The following RAD50 variants were observed in gnomAD, a reference collection of about 807,000 sequenced individuals.
RAD50 encodes DNA repair protein RAD50.
A neutral mutation model predicts 168.8 loss-of-function variants in RAD50; 132 were observed. The observed-to-expected ratio is 0.78, with a 90% CI of 0.68 to 0.90. The LOEUF is 0.90. Among genes scored for constraint, RAD50 ranks in the 40% least tolerant of loss-of-function variants. The pLI, the probability that RAD50 is intolerant of heterozygous loss-of-function variation, is 0.00. For missense variants in RAD50, 1,347 were observed against 1,534.4 expected, an observed-to-expected ratio of 0.88 and a Z score of 2.04; for synonymous variants, 525 against 497.4, an observed-to-expected ratio of 1.06 and a Z score of -0.74.
At chr5:132,618,820 T>C (rs1751224661) in intron 21 of RAD50, among the ~76,000 whole-genome samples, 1 of 152,228 alleles carries the variant, frequency 6.6e-6, no homozygotes, top group Non-Finnish European at 1.5e-5. Context: ...TTCATGATAC[T>C]ACCTCCCTCT....
chr5:132,566,276 A>G (rs1253179970), intron 2 of RAD50, among the ~76,000 whole-genome samples: 2 of 152,198 alleles, frequency 1.3e-5, no homozygotes, highest in African/African-American at 2.4e-5. Flanking sequence ...GGTCCTCGAA[A>G]AGTAGATGCC....
rs1487138360 is a variant in RAD50, at chr5:132,588,884, A to G, written c.1245+4A>G. 2.5e-6 allele frequency: 4 copies of G among 1,604,664 alleles called. No individual in the cohort carries two copies. Among genetic ancestry groups the G allele is most frequent in the Non-Finnish European group, 1.7e-6 (2 of 1,171,786 alleles). The stretch of plus-strand genomic sequence containing the variant: ...AAAAACTGCCAACCAACTGATGGCA[A>G]GTATTTTGAAATACAGTATTTGTTA... On this transcript the variant is annotated splice_donor_region_variant and intron_variant, in intron 8 of 24. Coordinates refer to ENST00000378823, the MANE Select transcript of RAD50 (RefSeq NM_005732.4).
intron 5 of RAD50, among the ~76,000 whole-genome samples, chr5:132,580,719 T>C (rs1005583512): frequency 6.6e-6 from 1 of 152,224 alleles, no homozygotes; most frequent in Non-Finnish European, 1.5e-5. Flanking sequence ...ATTCATTTAA[T>C]AAGCATTTAT....
intron 19 of RAD50, among the ~76,000 whole-genome samples, chr5:132,612,999 C>G (rs923569215): frequency 6.6e-6 from 1 of 151,914 alleles, no homozygotes; most frequent in African/African-American, 2.4e-5. Context: ...AGCTTTCAGG[C>G]AGTCTTGTAG....
intron 9 of RAD50, 128 bp from the exon 10 acceptor site, chr5:132,591,096 C>G: frequency 1.0e-6 from 1 of 952,378 alleles, no homozygotes; most frequent in Non-Finnish European, 1.6e-6. Flanking sequence ...GTTTTTTTCT[C>G]TTGTTGGATG....
intron 6 of RAD50, 60 bp downstream of exon 6, chr5:132,587,750 A>C: frequency 6.2e-7 from 1 of 1,606,340 alleles, no homozygotes; most frequent in Non-Finnish European, 8.5e-7. Context: ...AATGAACTTT[A>C]TTTGAATCCA....
rs758031764 is a variant in RAD50, at chr5:132,603,464, A to C, written c.2372A>C (p.Asp791Ala). The change falls in exon 14 of 25, where the codon GAT (aspartate) becomes GCT (alanine). Residue 791 changes from aspartate (D) to alanine (A), a missense_variant. By Grantham distance (126) the Asp-to-Ala change is moderately radical (BLOSUM62 -2). Coordinates refer to ENST00000378823, the MANE Select transcript of RAD50 (RefSeq NM_005732.4). The stretch of plus-strand genomic sequence containing the variant: ...GAAAGTGCCAAAGTATGCCTGACAG[A>C]TGTTACAATTATGGAGAGGTTCCAG... ...EEESAKVCLT[D>A]VTIMERFQME... 2 of 1,613,940 alleles carry C rather than the reference A, an allele frequency of 1.2e-6. No individual in the cohort carries two copies. Among genetic ancestry groups the C allele is most frequent in the South Asian group, 1.1e-5 (1 of 91,082 alleles).
chr5:132,565,925 G>C (rs1056912799), intron 2 of RAD50, among the ~76,000 whole-genome samples: 3 of 152,100 alleles, frequency 2.0e-5, no homozygotes, highest in African/African-American at 7.2e-5. Flanking sequence ...ACCCTTCTCA[G>C]CCTACTCAAG....
intron 21 of RAD50, among the ~76,000 whole-genome samples, chr5:132,634,107 T>A (rs1228343060): frequency 6.6e-6 from 1 of 152,202 alleles, no homozygotes; most frequent in African/African-American, 2.4e-5. Flanking sequence ...AAGCATTTTT[T>A]AATTTTATTG....
intron 21 of RAD50, among the ~76,000 whole-genome samples, chr5:132,622,058 A>G (rs1053135757): frequency 2.6e-5 from 4 of 152,068 alleles, no homozygotes; most frequent in South Asian, 2.1e-4. Flanking sequence ...TGTTAAATAA[A>G]TTATTTAGCT....
intron 21 of RAD50, among the ~76,000 whole-genome samples, 199 bp downstream of exon 21, chr5:132,618,493 C>T (rs1751219138): frequency 6.6e-6 from 1 of 152,172 alleles, no homozygotes; most frequent in Non-Finnish European, 1.5e-5. Context: ...ATTCTCCTGC[C>T]TCATCCTCCC....
chr5:132,605,148 G>A, intron 16 of RAD50, 149 bp downstream of exon 16: 1 of 535,852 alleles, frequency 1.9e-6, no homozygotes, highest in Non-Finnish European at 3.1e-6. Context: ...GGGTTCAAGT[G>A]ATTCTCTTGC....
At position 132,595,376 on chromosome 5, in the gene RAD50, A is replaced by T. The variant is rs559621242; in HGVS notation, c.1970-197A>T. On this transcript the variant is annotated intron_variant, in intron 12 of 24. Transcript: ENST00000378823. The stretch of plus-strand genomic sequence containing the variant: ...TACTTATAATGTGTTACCAAAAAAT[A>T]TTTATACAAATCTGAATGTATCATG... 6.0e-5 allele frequency: 30 copies of T among 500,510 alleles called. No homozygotes were observed. The South Asian group carries it at 8.2e-4, about 14-fold the overall frequency. The allele number at this position is 500,510 out of a possible 1,614,324, so 31.0% of individuals were successfully genotyped here.
chr5:132,640,678 G>C lies in RAD50; in HGVS notation c.3625G>C (p.Ala1209Pro), dbSNP rs1060501944. Reference sequence around the variant, plus strand: ...CATAGGGGCTTTTTTCCAGGTATTAGCCTCACTCATCATTCGCCTGGCCCT... The same window carrying C: ...CATAGGGGCTTTTTTCCAGGTATTACCCTCACTCATCATTCGCCTGGCCCT... The part of the protein sequence containing the change: ...GRCSAGQKVL[A>P]SLIIRLALAE... Residue 1209 changes from alanine to proline, a missense_variant, in exon 24 of 25, where the codon GCC becomes CCC. Ala to Pro is a conservative substitution (Grantham distance 27, BLOSUM62 -1). Transcript: ENST00000378823. 1 of 1,614,162 alleles carries C rather than the reference G, an allele frequency of 6.2e-7. No homozygotes were observed. Among genetic ancestry groups the C allele is most frequent in the East Asian group, 2.2e-5 (1 of 44,886 alleles).
At chr5:132,634,156 TGAG>T (rs1412706865) in intron 21 of RAD50, among the ~76,000 whole-genome samples, 2 of 152,214 alleles carry the variant, frequency 1.3e-5, no homozygotes, top group African/African-American at 2.4e-5. Flanking sequence ...ATGGATTATT[TGAG>T]GAGAACGGAC....
chr5:132,575,997 T>C, intron 3 of RAD50, 69 bp downstream of exon 3: 1 of 1,421,730 alleles, frequency 7.0e-7, no homozygotes, highest in South Asian at 1.3e-5. Context: ...TTGATGGTTG[T>C]TTTCTACTAT....
intron 21 of RAD50, among the ~76,000 whole-genome samples, chr5:132,620,331 A>C (rs187871697): frequency 6.6e-6 from 1 of 152,184 alleles, no homozygotes; most frequent in Non-Finnish European, 1.5e-5. Flanking sequence ...ATTGTAGACT[A>C]TCCTTCTCTC....
intron 16 of RAD50, among the ~76,000 whole-genome samples, chr5:132,607,637 C>T (rs1164971075): frequency 6.6e-6 from 1 of 152,142 alleles, no homozygotes; most frequent in Non-Finnish European, 1.5e-5. Context: ...AGCACTTTGA[C>T]ATTGAACCAT....
chr5:132,614,995 A>T (rs1751151763), intron 19 of RAD50, among the ~76,000 whole-genome samples: 1 of 152,072 alleles, frequency 6.6e-6, no homozygotes, highest in South Asian at 2.1e-4. Flanking sequence ...CTCACTTCCC[A>T]TGTCACTGAG....
Sources: gnomAD v4.1 joint callset for allele counts (sites outside exome capture counted in the v4.1 genomes callset) on GRCh38, gnomAD v4.1.1 for gene constraint, MANE v1.5 for transcripts, NCBI Gene and HGNC (gene_info 2026-07-23, HGNC 2026-07-21) for gene names.